COL1A2: variants seen among roughly 807,000 people sequenced by gnomAD.
COL1A2 encodes the protein collagen alpha-2(I) chain.
Under a neutral mutation model 174.3 loss-of-function variants are expected in COL1A2, and 49 were observed. That is an observed-to-expected ratio of 0.28 (90% confidence interval 0.22 to 0.36). The LOEUF is 0.36. Among genes scored for constraint, COL1A2 ranks in the 10% least tolerant of loss-of-function variants. The probability of loss-of-function intolerance (pLI) is 1.00; values close to 1 mark genes in which losing one functional copy is unlikely to be tolerated. For synonymous variants in COL1A2, 655 were observed against 606.6 expected (o/e 1.08, Z -1.17); for missense variants, 1,438 against 1,822.7 (o/e 0.79, Z 3.84).
chr7:94,414,328 C>A, intron 29 of COL1A2, 53 bp downstream of exon 29: 1 of 1,453,836 alleles, frequency 6.9e-7, no homozygotes. Flanking sequence ...AGAATTTCCC[C>A]CTGTTTAATA....
rs2115962362 is a variant in COL1A2, at chr7:94,428,365, G to A, written c.3599G>A (p.Gly1200Asp). ...AAAGTATACTGTGATTTCTCTACTG[G>A]CGAAACCTGTATCCGGGCCCAACCT... The part of the protein sequence containing the change: ...AIKVYCDFST[G>D]ETCIRAQPEN... The change falls in exon 50 of 52, where the codon GGC (glycine) becomes GAC (aspartate). Residue 1200 changes from glycine (G) to aspartate (D), a missense_variant. Physicochemically the swap from Gly to Asp is moderately conservative, Grantham distance 94. Coordinates refer to ENST00000297268, the MANE Select transcript of COL1A2 (RefSeq NM_000089.4). 6.2e-7 allele frequency: 1 copy of A among 1,614,066 alleles called. No homozygotes were observed. The highest frequency in any genetic ancestry group is 1.3e-5 in the African/African-American group (1 of 75,008).
Position 94,428,425 on chromosome 7 carries a change from C to T in COL1A2, c.3659C>T (p.Ser1220Phe), listed in dbSNP as rs1166768357. The T allele has an allele frequency of 6.2e-7, 1 of 1,614,106 alleles. No individual in the cohort carries two copies. Among genetic ancestry groups the T allele is most frequent in the South Asian group, 1.1e-5 (1 of 91,072 alleles). ...NIPAKNWYRS[S>F]KDKKHVWLGE... ...CCAGCCAAGAACTGGTATAGGAGCT[C>T]CAAGGACAAGAAACACGTCTGGCTA... The change falls in exon 50 of 52, where the codon TCC (serine) becomes TTC (phenylalanine). Residue 1220 changes from serine (S) to phenylalanine (F), a missense_variant. Transcript: ENST00000297268.
chr7:94,397,678 T>G, intron 1 of COL1A2, 70 bp from the exon 2 acceptor site: 1 of 853,122 alleles, frequency 1.2e-6, no homozygotes, highest in South Asian at 1.5e-5. Context: ...CTCTATTTGT[T>G]AATTATTGCT....
intron 12 of COL1A2, among the ~76,000 whole-genome samples, chr7:94,407,557 T>G (rs1791828565): frequency 1.3e-5 from 2 of 152,218 alleles, no homozygotes; most frequent in South Asian, 4.1e-4. Context: ...TATGATATTG[T>G]TTCTAGTATA....
intron 50 of COL1A2, 80 bp downstream of exon 50, chr7:94,428,557 C>A (rs1271275561): frequency 1.5e-6 from 2 of 1,363,744 alleles, no homozygotes; most frequent in Admixed American, 1.9e-5. Context: ...GCATTTTAAT[C>A]TCTGACAAAA....
intron 42 of COL1A2, 74 bp downstream of exon 42, chr7:94,425,298 AG>A: frequency 1.5e-6 from 2 of 1,376,558 alleles, no homozygotes; most frequent in Middle Eastern, 3.6e-4. Context: ...TCCTGAGCTG[AG>A]GTTCTCTTCT....
chr7:94,397,816 A>T (rs908857402), intron 2 of COL1A2, 58 bp downstream of exon 2: 4 of 1,000,688 alleles, frequency 4.0e-6, no homozygotes, highest in Non-Finnish European at 4.6e-6. Flanking sequence ...GGCTACAGTG[A>T]TGTCTTCTCT....
chr7:94,427,481 G>T, intron 48 of COL1A2, 146 bp from the exon 49 acceptor site: 5 of 1,123,528 alleles, frequency 4.5e-6, no homozygotes, highest in Non-Finnish European at 6.5e-6. Context: ...GTGCCTGGGG[G>T]CTCGTTATTT....
At chr7:94,408,146 G>A in intron 13 of COL1A2, 37 bp from the exon 14 acceptor site, 1 of 1,607,146 alleles carries the variant, frequency 6.2e-7, no homozygotes. Context: ...TTTTAAATTA[G>A]CATTCTGGAT....
rs1800240 is a variant in COL1A2 at position 94,423,018 on chromosome 7, G to A, written c.2465G>A (p.Arg822His). ...GGGAAAGAAGGGCTTCGTGGTCCTC[G>A]TGGTGACCAAGGTCCAGTTGGCCGA... Reference protein sequence around the residue: ...PAGKEGLRGPRGDQGPVGRTG... With the variant: ...PAGKEGLRGPHGDQGPVGRTG... The change falls in exon 40 of 52, where the codon CGT becomes CAT. Residue 822 changes from arginine to histidine, a missense_variant. Physicochemically the swap from Arg to His is conservative, Grantham distance 29. This residue lies in a region of COL1A2 where 867 missense variants were observed against 1,213.7 expected (regional missense o/e 0.71). Transcript: ENST00000297268. The A allele has an allele frequency of 4.8e-5, 78 of 1,613,932 alleles. No homozygotes were observed. The highest frequency in any genetic ancestry group is 3.3e-4 in the Middle Eastern group (2 of 6,084).
intron 48 of COL1A2, 67 bp downstream of exon 48, chr7:94,427,362 C>T: frequency 7.0e-7 from 1 of 1,436,212 alleles, no homozygotes; most frequent in Non-Finnish European, 9.6e-7. Flanking sequence ...TCAGACTAAA[C>T]CAAGACAACT....
At chr7:94,404,482 G>A (rs1217711626) in intron 6 of COL1A2, 74 bp from the exon 7 acceptor site, 2 of 1,472,694 alleles carry the variant, frequency 1.4e-6, no homozygotes, top group Non-Finnish European at 9.5e-7. Context: ...CTGCTAAGTT[G>A]GTCATATCTG....
chr7:94,428,345 A>G lies in COL1A2; in HGVS notation c.3579A>G (p.Val1193=), dbSNP rs1584331913. 2 of 1,614,152 alleles carry G rather than the reference A, an allele frequency of 1.2e-6. No homozygotes were observed. The highest frequency in any genetic ancestry group is 1.7e-6 in the Non-Finnish European group (2 of 1,179,990). ...GATGCACTATGGATGCTATCAAAGT[A>G]TACTGTGATTTCTCTACTGGCGAAA... The part of the protein sequence containing the change: ...NQGCTMDAIK[V]YCDFSTGETC... The change falls in exon 50 of 52, where the codon GTA becomes GTG. Residue 1193 remains valine (V), a synonymous_variant. Coordinates refer to ENST00000297268, the MANE Select transcript of COL1A2 (RefSeq NM_000089.4).
chr7:94,408,651 T>C, intron 15 of COL1A2, 119 bp from the exon 16 acceptor site: 1 of 1,142,348 alleles, frequency 8.8e-7, no homozygotes, highest in Non-Finnish European at 1.3e-6. Context: ...TGTCAGTTTT[T>C]TTCTTTACTA....
At position 94,410,893 on chromosome 7, in the gene COL1A2, G is replaced by T; in HGVS notation, c.1202G>T (p.Ser401Ile). Residue 401 changes from serine (S) to isoleucine (I), a missense_variant, in exon 22 of 52, where the codon AGT becomes ATT. Physicochemically the swap from Ser to Ile is moderately radical, Grantham distance 142. Coordinates refer to ENST00000297268, the MANE Select transcript of COL1A2 (RefSeq NM_000089.4). Reference sequence around the variant, plus strand: ...ATTTCATGTACTTTCTTGCAGGGTAGTCCTGGTTCTCGTGGTCTTCCTGGA... The same window carrying T: ...ATTTCATGTACTTTCTTGCAGGGTATTCCTGGTTCTCGTGGTCTTCCTGGA... Reference protein sequence around the residue: ...GPPGPPGLRGSPGSRGLPGAD... With the variant: ...GPPGPPGLRGIPGSRGLPGAD... 2 of 1,614,008 alleles carry T rather than the reference G, an allele frequency of 1.2e-6. No individual in the cohort carries two copies. The highest frequency in any genetic ancestry group is 1.1e-5 in the South Asian group (1 of 91,080).
intron 51 of COL1A2, chr7:94,430,006 T>C (rs945185592): frequency 1.8e-6 from 1 of 553,058 alleles, no homozygotes; most frequent in Non-Finnish European, 3.2e-6. Flanking sequence ...GGAATGTGTG[T>C]TGAAATGTTG....
In COL1A2 at chr7:94,424,416, T is replaced by C; in HGVS notation, c.2646T>C (p.Arg882=). The C allele has an allele frequency of 6.2e-7, 1 of 1,614,148 alleles. No individual in the cohort carries two copies. Among genetic ancestry groups the C allele is most frequent in the Non-Finnish European group, 8.5e-7 (1 of 1,180,004 alleles). Residue 882 remains arginine (R), a synonymous_variant, in exon 41 of 52, where the codon CGT becomes CGC. Coordinates refer to ENST00000297268, the MANE Select transcript of COL1A2 (RefSeq NM_000089.4). Reference sequence around the variant, plus strand: ...GTCTCCCTGGCTCGAGAGGTGAACGTGGTCTACCAGGTGTTGCTGGTGCTG... The same window carrying C: ...GTCTCCCTGGCTCGAGAGGTGAACGCGGTCTACCAGGTGTTGCTGGTGCTG... The part of the protein sequence containing the change: ...ILGLPGSRGE[R]GLPGVAGAVG...
intron 25 of COL1A2, 115 bp from the exon 26 acceptor site, chr7:94,412,968 G>A: frequency 4.0e-6 from 4 of 1,004,684 alleles, no homozygotes; most frequent in South Asian, 3.8e-5. Context: ...CCACAGACTA[G>A]GGATCTCAAA....
At position 94,420,387 on chromosome 7, in the gene COL1A2, C is replaced by A. The variant is rs1311079701; in HGVS notation, c.2134-4C>A. Reference sequence around the variant, plus strand: ...CACATTTTTAAATCCCTTCTCCCACCTAGGGTGAACGTGGTGAGGTCGGTC... The same window carrying A: ...CACATTTTTAAATCCCTTCTCCCACATAGGGTGAACGTGGTGAGGTCGGTC... On this transcript the variant is annotated splice_polypyrimidine_tract_variant and splice_region_variant and intron_variant, in intron 35 of 51. Transcript: ENST00000297268. 6.2e-7 allele frequency: 1 copy of A among 1,614,154 alleles called. No individual in the cohort carries two copies. Among genetic ancestry groups the A allele is most frequent in the South Asian group, 1.1e-5 (1 of 91,076 alleles).
Sources: gnomAD v4.1 joint callset for allele counts (sites outside exome capture counted in the v4.1 genomes callset) on GRCh38, gnomAD v4.1.1 for gene constraint, gnomAD v4.1.1 regional missense constraint, MANE v1.5 for transcripts, NCBI Gene and HGNC (gene_info 2026-07-23, HGNC 2026-07-21) for gene names.